The following ERP27 variants were observed in gnomAD, a reference collection of about 807,000 sequenced individuals.
ERP27 encodes endoplasmic reticulum resident protein 27.
Under a neutral mutation model 27.7 loss-of-function variants are expected in ERP27, and 23 were observed. That is an observed-to-expected ratio of 0.83 (90% CI 0.60 to 1.18). The LOEUF (loss-of-function observed/expected upper bound fraction) is 1.18, where lower values mean the gene tolerates loss of function less well. Ranked by LOEUF, ERP27 falls within the 50% of genes most tolerant of loss-of-function variation. ERP27 has a pLI of 0.00. For missense variants in ERP27, 363 were observed against 327.9 expected, an observed-to-expected ratio of 1.11 and a Z score of -0.83; for synonymous variants, 159 against 118.3, an observed-to-expected ratio of 1.34 and a Z score of -2.23.
chr12:14,927,042 G>A (rs916286064), intron 3 of ERP27, among the ~76,000 whole-genome samples: 3 of 152,080 alleles, frequency 2.0e-5, no homozygotes, highest in African/African-American at 7.2e-5. Context: ...GCTGGGGGTA[G>A]AATTCTAACG....
At chr12:14,923,938 C>A (rs1348669907) in intron 3 of ERP27, among the ~76,000 whole-genome samples, 1 of 152,092 alleles carries the variant, frequency 6.6e-6, no homozygotes, top group African/African-American at 2.4e-5. Context: ...CAATAGAATA[C>A]CTAAACTTAT....
intron 3 of ERP27, among the ~76,000 whole-genome samples, chr12:14,930,933 A>T (rs2430708): frequency 1 from 152,067 of 152,332 alleles, 75,902 homozygotes; most frequent in East Asian, 1. Context: ...AGAGGAATAA[A>T]TTAAGAGAAA....
At chr12:14,921,787 T>C (rs1360138474) in intron 3 of ERP27, among the ~76,000 whole-genome samples, 1 of 151,916 alleles carries the variant, frequency 6.6e-6, no homozygotes, top group East Asian at 1.9e-4. Context: ...TTATAATTCA[T>C]CCTTTTTTTT....
intron 3 of ERP27, among the ~76,000 whole-genome samples, chr12:14,924,355 T>C (rs1047990547): frequency 9.9e-5 from 15 of 152,230 alleles, no homozygotes; most frequent in Admixed American, 6.5e-5. Context: ...AGATATCTCC[T>C]CGACATACTA....
chr12:14,919,680 TA>T (rs1459202319), intron 4 of ERP27, among the ~76,000 whole-genome samples: 1 of 152,106 alleles, frequency 6.6e-6, no homozygotes, highest in Non-Finnish European at 1.5e-5. Context: ...GCACCAGTCA[TA>T]AAAAAGCAAG....
rs78356912 is a variant in ERP27 at position 14,914,575 on chromosome 12, T to C, written c.*160A>G. 14,958 of 573,546 alleles carry C rather than the reference T, an allele frequency of 0.026. 799 individuals are homozygous for C. Among genetic ancestry groups the C allele is most frequent in the African/African-American group, 0.18 (8,296 of 45,758 alleles). 35.5% of individuals were successfully genotyped at this position (573,546 alleles called of 1,614,324 possible). On this transcript the variant is annotated 3_prime_UTR_variant, in exon 7 of 7. Transcript: ENST00000266397. ...ATGAAGCTCTGTGTGTGTGTGTGTG[T>C]GTGCGTGTGTGTGTGCACGCGTGCG... is the stretch of plus-strand genomic sequence containing the variant.
chr12:14,923,232 C>T (rs751051593), intron 3 of ERP27, among the ~76,000 whole-genome samples: 11 of 152,234 alleles, frequency 7.2e-5, no homozygotes, highest in Admixed American at 2.6e-4. Flanking sequence ...CAGACTCAGA[C>T]TGGAATCTAC....
intron 2 of ERP27, among the ~76,000 whole-genome samples, chr12:14,936,871 G>A (rs971304562): frequency 4.9e-4 from 74 of 152,126 alleles, no homozygotes; most frequent in African/African-American, 1.7e-3. Flanking sequence ...CCAGTTTTGG[G>A]TATGTCTTTA....
chr12:14,920,807 TAAAC>T, intron 4 of ERP27, 121 bp downstream of exon 4: 2 of 694,288 alleles, frequency 2.9e-6, no homozygotes, highest in Non-Finnish European at 5.0e-6. Flanking sequence ...GATAGTAACA[TAAAC>T]AATACAGTAT....
Position 14,920,991 on chromosome 12 carries a change from TG to T in ERP27, c.390del (p.Lys131AsnfsTer2). Reference sequence around the variant, plus strand: ...TTGATCTCAATGAAACGGCTCAATTTGGTGGCATCAATGCTTTCAATGTCTT... The same window carrying T: ...TTGATCTCAATGAAACGGCTCAATTTGTGGCATCAATGCTTTCAATGTCTT... ...EDEDIESIDATKLSRFIEINS... is the reference protein window; with the variant it reads ...EDEDIESIDAXKLSRFIEINS... On this transcript the variant is annotated frameshift_variant, in exon 4 of 7. Transcript: ENST00000266397. LOFTEE classifies it high-confidence loss of function. The T allele has an allele frequency of 6.2e-7, 1 of 1,614,178 alleles. No individual in the cohort carries two copies. Among genetic ancestry groups the T allele is most frequent in the Non-Finnish European group, 8.5e-7 (1 of 1,179,998 alleles).
At position 14,920,073 on chromosome 12, in the gene ERP27, G is replaced by T. The variant is rs151206025; in HGVS notation, c.450+859C>A. ...AATAGAAGGTACAGCATTTTGAGCTGATGTAGATCACTAGAAATTAATACC... is the reference window on the plus strand; with the variant it reads ...AATAGAAGGTACAGCATTTTGAGCTTATGTAGATCACTAGAAATTAATACC... On this transcript the variant is annotated intron_variant, in intron 4 of 6. Coordinates refer to ENST00000266397, the MANE Select transcript of ERP27 (RefSeq NM_152321.4). 2.2e-4 allele frequency among the ~76,000 whole-genome samples: 34 copies of T among 152,340 alleles called. No individual in the cohort carries two copies. The East Asian group carries it at 4.8e-3, about 22-fold the overall frequency.
intron 4 of ERP27, 130 bp from the exon 5 acceptor site, chr12:14,917,433 C>G (rs1213989322): frequency 4.0e-6 from 5 of 1,241,146 alleles, no homozygotes; most frequent in Non-Finnish European, 5.7e-6. Flanking sequence ...GAACTAGCTT[C>G]CAAGATGGCT....
chr12:14,921,156 A>G, intron 3 of ERP27, 108 bp from the exon 4 acceptor site: 2 of 851,564 alleles, frequency 2.3e-6, no homozygotes, highest in South Asian at 1.5e-5. Flanking sequence ...TCTGAAGACC[A>G]AAAGATAAGT....
intron 3 of ERP27, among the ~76,000 whole-genome samples, chr12:14,932,853 C>G (rs970917326): frequency 1.3e-5 from 2 of 152,100 alleles, no homozygotes; most frequent in African/African-American, 4.8e-5. Flanking sequence ...ATGAGCATAG[C>G]CACTTAATAA....
chr12:14,937,344 T>G (rs953269676), intron 2 of ERP27, among the ~76,000 whole-genome samples: 13 of 152,310 alleles, frequency 8.5e-5, no homozygotes, highest in Admixed American at 6.5e-4. Context: ...ATGAAAATGC[T>G]GGAATGAGGC....
intron 4 of ERP27, among the ~76,000 whole-genome samples, chr12:14,917,810 C>T (rs1863436083): frequency 6.6e-6 from 1 of 152,214 alleles, no homozygotes; most frequent in South Asian, 2.1e-4. Context: ...TGCAACCTCC[C>T]AAGAGACCTC....
intron 4 of ERP27, among the ~76,000 whole-genome samples, chr12:14,919,510 C>T (rs891564922): frequency 6.6e-5 from 10 of 152,238 alleles, no homozygotes; most frequent in African/African-American, 2.4e-4. Context: ...ACCCCAGGGG[C>T]ATATGTGTTT....
chr12:14,931,295 C>T (rs1863692935), intron 3 of ERP27, among the ~76,000 whole-genome samples: 1 of 146,092 alleles, frequency 6.8e-6, no homozygotes. Context: ...AAACTGGATC[C>T]AGAAAATTTT....
At chr12:14,922,496 CG>C (rs1863520626) in intron 3 of ERP27, among the ~76,000 whole-genome samples, 1 of 151,616 alleles carries the variant, frequency 6.6e-6, no homozygotes, top group East Asian at 1.9e-4. Context: ...CTGATTTGAA[CG>C]TGTTTTTATA....
Sources: gnomAD v4.1 joint callset for allele counts (sites outside exome capture counted in the v4.1 genomes callset) on GRCh38, gnomAD v4.1.1 for gene constraint, MANE v1.5 for transcripts, NCBI Gene and HGNC (gene_info 2026-07-23, HGNC 2026-07-21) for gene names.